HIBADH: variants seen among roughly 807,000 people sequenced by gnomAD.
The protein encoded by HIBADH is 3-hydroxyisobutyrate dehydrogenase, mitochondrial.
HIBADH carries 25 observed loss-of-function variants against 36.1 expected under a neutral mutation model. That is an observed-to-expected ratio of 0.69 (90% CI 0.50 to 0.97). The LOEUF (loss-of-function observed/expected upper bound fraction) is 0.97, where lower values mean the gene tolerates loss of function less well. Ranked by LOEUF, HIBADH falls within the 50% of genes least tolerant of loss-of-function variation. The pLI is 0.00. For missense variants in HIBADH, 421 were observed against 418.0 expected (o/e 1.01, Z -0.06); for synonymous variants, 160 against 149.5 (o/e 1.07, Z -0.51).
intron 2 of HIBADH, among the ~76,000 whole-genome samples, 191 bp from the exon 3 acceptor site, chr7:27,632,636 T>A (rs550167898): frequency 3.2e-4 from 48 of 148,726 alleles, no homozygotes; most frequent in African/African-American, 9.9e-4. Context: ...ATTATACATA[T>A]ACAGATGCAG....
At chr7:27,546,625 T>C (rs1021981038) in intron 4 of HIBADH, among the ~76,000 whole-genome samples, 2 of 152,328 alleles carry the variant, frequency 1.3e-5, no homozygotes, top group African/African-American at 4.8e-5. Context: ...ACAGCCACTA[T>C]GTTAAGATGA....
intron 4 of HIBADH, among the ~76,000 whole-genome samples, chr7:27,574,759 T>G (rs1784684264): frequency 1.3e-5 from 2 of 152,178 alleles, no homozygotes; most frequent in African/African-American, 4.8e-5. Context: ...TCTCTTATTT[T>G]TACCAAAACA....
chr7:27,629,509 A>G lies in HIBADH; in HGVS notation c.363-17T>C. The G allele has an allele frequency of 6.5e-7, 1 of 1,528,582 alleles. No homozygotes were observed. Among genetic ancestry groups the G allele is most frequent in the South Asian group, 1.3e-5 (1 of 76,714 alleles). 94.7% of individuals were successfully genotyped at this position (1,528,582 alleles called of 1,614,324 possible). ...TTCACTTTTCTAAGTAAATAAATAA[A>G]AATATTTGTAGTTTACAACTCTGAG... is the stretch of plus-strand genomic sequence containing the variant. On this transcript the variant is annotated splice_polypyrimidine_tract_variant and intron_variant, in intron 3 of 7. Coordinates refer to ENST00000265395, the MANE Select transcript of HIBADH (RefSeq NM_152740.4).
intron 1 of HIBADH, among the ~76,000 whole-genome samples, chr7:27,654,027 T>C (rs190325340): frequency 2.6e-5 from 4 of 152,120 alleles, no homozygotes; most frequent in East Asian, 1.9e-4. Flanking sequence ...ATTCCAAAGG[T>C]AGAATTATGA....
chr7:27,613,380 G>GACAA (rs1285952443), intron 4 of HIBADH, among the ~76,000 whole-genome samples: 2 of 146,082 alleles, frequency 1.4e-5, no homozygotes, highest in Non-Finnish European at 3.0e-5. Flanking sequence ...TAGATAGATA[G>GACAA]ACAGATAAAG....
chr7:27,605,997 C>G (rs1478475605), intron 4 of HIBADH, among the ~76,000 whole-genome samples: 2 of 152,160 alleles, frequency 1.3e-5, no homozygotes, highest in African/African-American at 2.4e-5. Context: ...ATTCATCCCA[C>G]AGTTTAACAA....
At chr7:27,559,322 A>C (rs1784434078) in intron 4 of HIBADH, among the ~76,000 whole-genome samples, 1 of 152,170 alleles carries the variant, frequency 6.6e-6, no homozygotes, top group South Asian at 2.1e-4. Flanking sequence ...CCAAAACCAC[A>C]GCTTAAAACT....
intron 4 of HIBADH, among the ~76,000 whole-genome samples, chr7:27,597,680 C>T (rs1785054151): frequency 6.6e-6 from 1 of 152,084 alleles, no homozygotes; most frequent in Non-Finnish European, 1.5e-5. Flanking sequence ...TACTTTCCTC[C>T]AACACCAATA....
In HIBADH at chr7:27,572,865, C is replaced by CACAAAATATTGTA. The variant is rs1323399929; in HGVS notation, c.485-29766_485-29765insTACAATATTTTGT. Among the ~76,000 whole-genome samples the CACAAAATATTGTA allele has an allele frequency of 2.5e-4, 38 of 152,220 alleles. No individual in the cohort carries two copies. The East Asian group carries it at 6.9e-3, about 28-fold the overall frequency. The stretch of plus-strand genomic sequence containing the variant: ...GACTATTACTGCATTATAAAATTAA[C>CACAAAATATTGTA]TTTAATACACAAAATATTGTCATAC... On this transcript the variant is annotated intron_variant, in intron 4 of 7. Coordinates refer to ENST00000265395, the MANE Select transcript of HIBADH (RefSeq NM_152740.4).
chr7:27,606,029 A>G (rs976589722), intron 4 of HIBADH, among the ~76,000 whole-genome samples: 1 of 152,212 alleles, frequency 6.6e-6, no homozygotes, highest in Non-Finnish European at 1.5e-5. Flanking sequence ...TTTCATTTCA[A>G]AAATTTTAAG....
At chr7:27,565,273 T>C (rs1220953986) in intron 4 of HIBADH, among the ~76,000 whole-genome samples, 1 of 152,186 alleles carries the variant, frequency 6.6e-6, no homozygotes, top group East Asian at 1.9e-4. Context: ...CAACAAAGGC[T>C]CTTGCCCACG....
At chr7:27,586,403 G>A (rs532544994) in intron 4 of HIBADH, among the ~76,000 whole-genome samples, 1 of 146,666 alleles carries the variant, frequency 6.8e-6, no homozygotes, top group Non-Finnish European at 1.5e-5. Flanking sequence ...GGAAGGGAGG[G>A]AGGGAGGGGA....
At chr7:27,586,381 G>T (rs988591619) in intron 4 of HIBADH, among the ~76,000 whole-genome samples, 6 of 144,910 alleles carry the variant, frequency 4.1e-5, no homozygotes, top group African/African-American at 1.5e-4. Flanking sequence ...AAGGAAGGAA[G>T]GAAAGAAGGA....
At chr7:27,530,299 G>C (rs535969981) in intron 7 of HIBADH, among the ~76,000 whole-genome samples, 9 of 152,068 alleles carry the variant, frequency 5.9e-5, no homozygotes, top group African/African-American at 2.2e-4. Flanking sequence ...TCCACCTCCC[G>C]GGTTCAAGCG....
At chr7:27,545,402 C>T (rs983063560) in intron 4 of HIBADH, among the ~76,000 whole-genome samples, 1 of 152,192 alleles carries the variant, frequency 6.6e-6, no homozygotes, top group African/African-American at 2.4e-5. Context: ...CGCACCACTG[C>T]ACTCCAGCCT....
Position 27,618,612 on chromosome 7 carries a change from A to ACC in HIBADH, c.484+10757_484+10758dup, listed in dbSNP as rs540477608. Among the ~76,000 whole-genome samples the ACC allele has an allele frequency of 9.8e-5, 15 of 152,318 alleles. No homozygotes were observed. The South Asian group carries it at 3.1e-3, about 32-fold the overall frequency. On this transcript the variant is annotated intron_variant, in intron 4 of 7. Transcript: ENST00000265395. ...AAGCCCAAGAATTGGTCCACTGGTA[A>ACC]CCACTGACACAGGTGCCAGCATGTA...
intron 7 of HIBADH, among the ~76,000 whole-genome samples, chr7:27,530,641 C>T (rs527905102): frequency 1.9e-3 from 288 of 152,188 alleles, no homozygotes; most frequent in African/African-American, 6.7e-3. Flanking sequence ...TAGTTGAGAA[C>T]ATAGACTTTC....
At chr7:27,626,700 A>C (rs1785654758) in intron 4 of HIBADH, among the ~76,000 whole-genome samples, 1 of 152,234 alleles carries the variant, frequency 6.6e-6, no homozygotes, top group Admixed American at 6.5e-5. Context: ...GAGTTTTTTA[A>C]AAAAACTTCT....
At chr7:27,532,365 A>C (rs1784014609) in intron 6 of HIBADH, among the ~76,000 whole-genome samples, 3 of 152,364 alleles carry the variant, frequency 2.0e-5, no homozygotes, top group Non-Finnish European at 2.9e-5. Context: ...AAATAAAAAA[A>C]ACACTGAAAA....
Sources: gnomAD v4.1 joint callset for allele counts (sites outside exome capture counted in the v4.1 genomes callset) on GRCh38, gnomAD v4.1.1 for gene constraint, MANE v1.5 for transcripts, NCBI Gene and HGNC (gene_info 2026-07-23, HGNC 2026-07-21) for gene names.